ACOXL: variants seen among roughly 807,000 people sequenced by gnomAD.
ACOXL encodes the protein acyl-CoA oxidase like.
A neutral mutation model predicts 71.9 loss-of-function variants in ACOXL; 70 were observed. The observed-to-expected ratio is 0.97, with a 90% CI of 0.80 to 1.19. The LOEUF (loss-of-function observed/expected upper bound fraction) is 1.19, where lower values mean the gene tolerates loss of function less well. ACOXL is among the 50% of genes most tolerant of loss of function. The probability of loss-of-function intolerance (pLI) is 0.00; values close to 1 mark genes in which losing one functional copy is unlikely to be tolerated. For missense variants in ACOXL, 703 were observed against 736.3 expected (o/e 0.95, Z 0.52); for synonymous variants, 253 against 281.6 (o/e 0.90, Z 1.02).
chr2:110,776,256 G>A (rs1682632554), intron 2 of ACOXL, among the ~76,000 whole-genome samples: 1 of 152,194 alleles, frequency 6.6e-6, no homozygotes, highest in African/African-American at 2.4e-5. Flanking sequence ...GGTTTCCTGG[G>A]TCTGGGGGAA....
intron 15 of ACOXL, among the ~76,000 whole-genome samples, chr2:111,046,038 C>T (rs1259355885): frequency 1.3e-5 from 2 of 152,172 alleles, no homozygotes; most frequent in Non-Finnish European, 2.9e-5. Flanking sequence ...CAGGGCAGCC[C>T]GGACATCTAA....
intron 16 of ACOXL, among the ~76,000 whole-genome samples, chr2:111,078,343 C>G (rs183971045): frequency 8.6e-4 from 131 of 152,264 alleles, no homozygotes; most frequent in African/African-American, 3.1e-3. Flanking sequence ...CAGCTCACTG[C>G]AACCTCTGCC....
rs117600097 is a variant in ACOXL, at chr2:110,995,868, G to A, written c.1170-25G>A. ...TTCTTGGTGAGGCCAAAATAATAATGATGGTCACCGTGATTTTCTTTCAGT... is the reference window on the plus strand; with the variant it reads ...TTCTTGGTGAGGCCAAAATAATAATAATGGTCACCGTGATTTTCTTTCAGT... On this transcript the variant is annotated intron_variant, in intron 13 of 17. Coordinates refer to ENST00000439055, the MANE Select transcript of ACOXL (RefSeq NM_001142807.4). 2.0e-3 allele frequency: 3,198 copies of A among 1,575,528 alleles called. 71 individuals are homozygous for A. The East Asian group carries it at 0.04, about 19-fold the overall frequency.
chr2:110,884,062 G>A (rs1052855255), intron 10 of ACOXL, among the ~76,000 whole-genome samples: 2 of 152,144 alleles, frequency 1.3e-5, no homozygotes, highest in African/African-American at 4.8e-5. Flanking sequence ...TTTCAGCTGG[G>A]CCTGAGAATT....
At chr2:111,036,449 C>G (rs1329064842) in intron 15 of ACOXL, among the ~76,000 whole-genome samples, 1 of 152,222 alleles carries the variant, frequency 6.6e-6, no homozygotes, top group East Asian at 1.9e-4. Flanking sequence ...GTGAGAAGGT[C>G]TGTTGCACCA....
intron 10 of ACOXL, among the ~76,000 whole-genome samples, chr2:110,880,373 TTC>T (rs2149090602): frequency 6.6e-6 from 1 of 152,322 alleles, no homozygotes; most frequent in South Asian, 2.1e-4. Context: ...TTCTGCCAGT[TTC>T]TTTTTTAAAC....
intron 16 of ACOXL, among the ~76,000 whole-genome samples, chr2:111,067,015 A>G (rs2118908): frequency 0.079 from 11,997 of 152,258 alleles, 600 homozygotes; most frequent in Non-Finnish European, 0.11. Context: ...AGTAACGGAC[A>G]TATATTGAAT....
At chr2:110,876,403 G>T (rs1695909707) in intron 10 of ACOXL, among the ~76,000 whole-genome samples, 1 of 152,206 alleles carries the variant, frequency 6.6e-6, no homozygotes, top group South Asian at 2.1e-4. Context: ...CGGGTCAGCA[G>T]ACTGGGTCAG....
intron 11 of ACOXL, among the ~76,000 whole-genome samples, chr2:110,918,763 A>C (rs1177353004): frequency 6.6e-6 from 1 of 152,250 alleles, no homozygotes; most frequent in Non-Finnish European, 1.5e-5. Flanking sequence ...ACACTTCTCA[A>C]AAGAAGACAT....
intron 16 of ACOXL, among the ~76,000 whole-genome samples, chr2:111,063,046 G>A (rs982382484): frequency 6.6e-6 from 1 of 152,144 alleles, no homozygotes; most frequent in Non-Finnish European, 1.5e-5. Flanking sequence ...CAATTTAGAT[G>A]AAATAGACTA....
At chr2:110,743,269 G>A (rs1677767616) in intron 1 of ACOXL, among the ~76,000 whole-genome samples, 2 of 152,294 alleles carry the variant, frequency 1.3e-5, no homozygotes, top group African/African-American at 2.4e-5. Context: ...TGGTTGAATA[G>A]TGCTGTGTTG....
chr2:110,781,942 A>T (rs1683393729), intron 2 of ACOXL, among the ~76,000 whole-genome samples: 1 of 152,242 alleles, frequency 6.6e-6, no homozygotes, highest in South Asian at 2.1e-4. Flanking sequence ...GATCTGTTAC[A>T]TCAAGTGCTC....
intron 3 of ACOXL, among the ~76,000 whole-genome samples, chr2:110,789,478 C>T (rs1389416910): frequency 6.6e-6 from 1 of 152,184 alleles, no homozygotes; most frequent in East Asian, 1.9e-4. Context: ...GCTGTAAAGT[C>T]TAAGATCATG....
intron 12 of ACOXL, chr2:110,967,996 C>G (rs1574320465): frequency 1.0e-6 from 1 of 959,486 alleles, no homozygotes; most frequent in Non-Finnish European, 1.7e-6. Context: ...AGTAGTTCAT[C>G]TAACCAACAG....
intron 17 of ACOXL, among the ~76,000 whole-genome samples, chr2:111,108,371 CTTTTTTTTTT>C (rs1225889982): frequency 1.4e-5 from 1 of 71,036 alleles, no homozygotes; most frequent in Non-Finnish European, 2.5e-5. Context: ...GTGCATGAAT[CTTTTTTTTTT>C]TTTTTTTTTT....
chr2:110,847,513 T>C (rs573943281), intron 10 of ACOXL, among the ~76,000 whole-genome samples: 3 of 152,348 alleles, frequency 2.0e-5, no homozygotes, highest in East Asian at 3.9e-4. Flanking sequence ...TATGTTTCTT[T>C]AATAAACGAA....
intron 17 of ACOXL, among the ~76,000 whole-genome samples, chr2:111,114,519 A>T (rs1386871802): frequency 6.6e-6 from 1 of 152,032 alleles, no homozygotes; most frequent in Non-Finnish European, 1.5e-5. Flanking sequence ...TGGGTAAGGG[A>T]TTTTTCACAA....
At chr2:111,011,039 A>G (rs2064126030) in intron 14 of ACOXL, among the ~76,000 whole-genome samples, 2 of 152,216 alleles carry the variant, frequency 1.3e-5, no homozygotes, top group African/African-American at 4.8e-5. Context: ...ATTAAGGACT[A>G]CTTTTTTTGT....
chr2:110,948,506 T>C (rs1365136540), intron 12 of ACOXL, among the ~76,000 whole-genome samples: 1 of 151,876 alleles, frequency 6.6e-6, no homozygotes, highest in Non-Finnish European at 1.5e-5. Context: ...TCTCTGGGAA[T>C]CACAAAGAGA....
Sources: gnomAD v4.1 joint callset for allele counts (sites outside exome capture counted in the v4.1 genomes callset) on GRCh38, gnomAD v4.1.1 for gene constraint, MANE v1.5 for transcripts, NCBI Gene and HGNC (gene_info 2026-07-23, HGNC 2026-07-21) for gene names.